Variants in NTMT2 observed in about 807,000 individuals in gnomAD.
NTMT2 encodes the protein X-Pro-Lys N-terminal protein methyltransferase 1B.
In NTMT2, 21 loss-of-function variants were observed where a neutral mutation model predicts 23.4. The observed-to-expected ratio is 0.90, with a 90% CI of 0.64 to 1.29. NTMT2 has a LOEUF of 1.29. Among genes scored for constraint, NTMT2 ranks in the 50% most tolerant of loss-of-function variants. The pLI is 0.00. For synonymous variants in NTMT2, 131 were observed against 127.7 expected (o/e 1.03, Z -0.17); for missense variants, 336 against 352.0 (o/e 0.95, Z 0.36).
chr1:170,161,377 T>C (rs1156938192), intron 2 of NTMT2, among the ~76,000 whole-genome samples: 1 of 152,212 alleles, frequency 6.6e-6, no homozygotes, highest in Admixed American at 6.5e-5. Flanking sequence ...TTTATACTAT[T>C]TTATACATAG....
At chr1:170,160,807 T>A in intron 2 of NTMT2, 114 bp downstream of exon 2, 1 of 856,930 alleles carries the variant, frequency 1.2e-6, no homozygotes, top group Non-Finnish European at 1.7e-6. Context: ...CAGCCAAGAG[T>A]TCTGCCGCCT....
chr1:170,156,760 A>G (rs1254950718), intron 1 of NTMT2, among the ~76,000 whole-genome samples: 1 of 151,866 alleles, frequency 6.6e-6, no homozygotes, highest in Admixed American at 6.6e-5. Flanking sequence ...GCTGCTGTCA[A>G]TTAGGTGAAA....
intron 1 of NTMT2, among the ~76,000 whole-genome samples, chr1:170,155,026 C>G (rs1673138653): frequency 6.6e-6 from 1 of 151,504 alleles, no homozygotes; most frequent in Non-Finnish European, 1.5e-5. Flanking sequence ...CCCCTTGCTC[C>G]TGCTCTGCCA....
chr1:170,153,784 C>T (rs528401148), intron 1 of NTMT2, among the ~76,000 whole-genome samples: 3 of 152,148 alleles, frequency 2.0e-5, no homozygotes, highest in Non-Finnish European at 2.9e-5. Flanking sequence ...TGCAGCCTAG[C>T]CATGTGGCAA....
intron 1 of NTMT2, among the ~76,000 whole-genome samples, chr1:170,151,053 T>C (rs1416015769): frequency 6.6e-6 from 1 of 152,172 alleles, no homozygotes; most frequent in Non-Finnish European, 1.5e-5. Context: ...TAGACATTGT[T>C]AAAGGCTTAG....
chr1:170,156,368 A>G (rs1673164541), intron 1 of NTMT2, among the ~76,000 whole-genome samples: 1 of 152,128 alleles, frequency 6.6e-6, no homozygotes, highest in African/African-American at 2.4e-5. Context: ...TTTGATGTAA[A>G]TTCTCTTGGA....
At chr1:170,167,437 C>T in intron 3 of NTMT2, 49 bp from the exon 4 acceptor site, 1 of 1,478,474 alleles carries the variant, frequency 6.8e-7, no homozygotes, top group Non-Finnish European at 9.1e-7. Context: ...ACCTTCCATC[C>T]TCCCCACCAT....
At chr1:170,150,567 T>C (rs1161374311) in intron 1 of NTMT2, among the ~76,000 whole-genome samples, 2 of 152,186 alleles carry the variant, frequency 1.3e-5, no homozygotes, top group Non-Finnish European at 2.9e-5. Context: ...CTCCATGATC[T>C]TTTTTAAACC....
chr1:170,162,972 C>T (rs550578914), intron 2 of NTMT2, among the ~76,000 whole-genome samples: 7 of 152,064 alleles, frequency 4.6e-5, no homozygotes, highest in South Asian at 2.1e-4. Context: ...GTGGTGAGGC[C>T]GACTTTGATC....
In NTMT2 at chr1:170,168,683, T is replaced by C. The variant is rs1054013353; in HGVS notation, c.*926T>C. Among the ~76,000 whole-genome samples the C allele has an allele frequency of 6.6e-6, 1 of 152,244 alleles. No homozygotes were observed. The highest frequency in any genetic ancestry group is 1.5e-5 in the Non-Finnish European group (1 of 68,046). On this transcript the variant is annotated 3_prime_UTR_variant, in exon 4 of 4. Transcript: ENST00000439373. Reference sequence around the variant, plus strand: ...ACCTTTAACATATAAGTAAATGTCATTGATAATCTAATTTTAGTCTTTGCT... The same window carrying C: ...ACCTTTAACATATAAGTAAATGTCACTGATAATCTAATTTTAGTCTTTGCT...
In NTMT2 at chr1:170,167,925, A is replaced by G; in HGVS notation, c.*168A>G. 1 of 720,658 alleles carries G rather than the reference A, an allele frequency of 1.4e-6. No individual in the cohort carries two copies. The highest frequency in any genetic ancestry group is 2.0e-5 in the South Asian group (1 of 49,660). The allele number at this position is 720,658 out of a possible 1,614,324, so 44.6% of individuals were successfully genotyped here. ...ATGTACATGTTTTCAGTGATTATATAATGCACACACTCTGATGAGACATGC... is the reference window on the plus strand; with the variant it reads ...ATGTACATGTTTTCAGTGATTATATGATGCACACACTCTGATGAGACATGC... On this transcript the variant is annotated 3_prime_UTR_variant, in exon 4 of 4. Coordinates refer to ENST00000439373, the MANE Select transcript of NTMT2 (RefSeq NM_001136107.2).
intron 1 of NTMT2, among the ~76,000 whole-genome samples, chr1:170,148,077 G>C (rs1445468257): frequency 6.6e-6 from 1 of 150,696 alleles, no homozygotes; most frequent in Non-Finnish European, 1.5e-5. Flanking sequence ...TTCTGCATAG[G>C]ATTGGGGGCA....
In NTMT2 at chr1:170,151,838, A is replaced by G. The variant is rs1673073461; in HGVS notation, c.154+5577A>G. Among the ~76,000 whole-genome samples, 4 of 152,158 alleles carry G rather than the reference A, an allele frequency of 2.6e-5. No homozygotes were observed. In the South Asian group the frequency reaches 8.3e-4, roughly 32 times the overall value. On this transcript the variant is annotated intron_variant, in intron 1 of 3. Transcript: ENST00000439373. ...TTAATGCCTTGGTTTCTTCTTCTGT[A>G]GAATGGATATATAATGTTTATCTCA...
chr1:170,148,067 T>C (rs978406370), intron 1 of NTMT2, among the ~76,000 whole-genome samples: 1 of 151,986 alleles, frequency 6.6e-6, no homozygotes, highest in Non-Finnish European at 1.5e-5. Flanking sequence ...AGGGAAACTT[T>C]TCTGCATAGG....
At chr1:170,148,804 TTTG>T (rs1291089200) in intron 1 of NTMT2, among the ~76,000 whole-genome samples, 13 of 152,132 alleles carry the variant, frequency 8.5e-5, no homozygotes, top group African/African-American at 3.1e-4. Flanking sequence ...TGATAGAGGC[TTTG>T]CCAGCTGGAA....
intron 1 of NTMT2, among the ~76,000 whole-genome samples, chr1:170,148,482 C>T (rs1454357749): frequency 6.6e-6 from 1 of 152,042 alleles, no homozygotes; most frequent in Non-Finnish European, 1.5e-5. Context: ...ACATTGCCTT[C>T]ATTTTACTTA....
In NTMT2 at chr1:170,145,961, A is replaced by G. The variant is rs1048006746; in HGVS notation, c.-147A>G. On this transcript the variant is annotated 5_prime_UTR_variant, in exon 1 of 4. Transcript: ENST00000439373. ...ACTGTGTGCTGCCCCTCCTCCCCAC[A>G]CCCATGACAGCCTGTCCTGATATAG... is the stretch of plus-strand genomic sequence containing the variant. The G allele has an allele frequency of 5.5e-6, 4 of 728,510 alleles. No individual in the cohort carries two copies. Among genetic ancestry groups the G allele is most frequent in the Admixed American group, 6.2e-5 (2 of 32,024 alleles). The allele number at this position is 728,510 out of a possible 1,614,324, so 45.1% of individuals were successfully genotyped here.
At chr1:170,153,465 G>C (rs537695326) in intron 1 of NTMT2, among the ~76,000 whole-genome samples, 2 of 152,352 alleles carry the variant, frequency 1.3e-5, no homozygotes, top group African/African-American at 4.8e-5. Context: ...ATAGTGACAA[G>C]GACAGTGAGG....
intron 2 of NTMT2, among the ~76,000 whole-genome samples, chr1:170,162,648 A>G (rs1279942402): frequency 1.3e-5 from 2 of 152,198 alleles, no homozygotes; most frequent in East Asian, 1.9e-4. Context: ...CTTCATGCCA[A>G]TTCTTGGAGG....
Sources: gnomAD v4.1 joint callset for allele counts (sites outside exome capture counted in the v4.1 genomes callset) on GRCh38, gnomAD v4.1.1 for gene constraint, MANE v1.5 for transcripts, NCBI Gene and HGNC (gene_info 2026-07-23, HGNC 2026-07-21) for gene names.